Variants in HS1BP3 observed in about 807,000 individuals in gnomAD.
HS1BP3 encodes HCLS1-binding protein 3.
In HS1BP3, 32 loss-of-function variants were observed where a neutral mutation model predicts 33.5. The observed-to-expected ratio is 0.95, with a 90% confidence interval of 0.72 to 1.28. The LOEUF (loss-of-function observed/expected upper bound fraction) is 1.28. Among genes scored for constraint, HS1BP3 ranks in the 50% most tolerant of loss-of-function variants. HS1BP3 has a pLI of 0.00. For synonymous variants in HS1BP3, 187 were observed against 209.2 expected, an observed-to-expected ratio of 0.89 and a Z score of 0.92; for missense variants, 486 against 502.3, an observed-to-expected ratio of 0.97 and a Z score of 0.31.
chr2:20,643,324 G>A (rs191569323), intron 2 of HS1BP3, among the ~76,000 whole-genome samples: 3 of 152,302 alleles, frequency 2.0e-5, no homozygotes, highest in South Asian at 2.1e-4. Context: ...AGTGGGCTGG[G>A]CGGCTGAAGC....
chr2:20,567,669 C>T (rs938352522), intron 5 of HS1BP3, among the ~76,000 whole-genome samples: 1 of 152,168 alleles, frequency 6.6e-6, no homozygotes, highest in African/African-American at 2.4e-5. Context: ...TCTCCAGGCT[C>T]CTGCAGACAG....
intron 1 of HS1BP3, among the ~76,000 whole-genome samples, chr2:20,648,088 C>T (rs1050819580): frequency 1.3e-5 from 2 of 152,214 alleles, no homozygotes; most frequent in African/African-American, 4.8e-5. Flanking sequence ...GCTCCGAGGC[C>T]CTCCCACCTA....
intron 2 of HS1BP3, among the ~76,000 whole-genome samples, chr2:20,602,520 G>C (rs555394661): frequency 6.6e-6 from 1 of 151,920 alleles, no homozygotes; most frequent in East Asian, 1.9e-4. Flanking sequence ...TAAAAAAGAA[G>C]TTTTTAAAGT....
chr2:20,558,449 G>A (rs980002045), downstream of HS1BP3, among the ~76,000 whole-genome samples: 22 of 152,188 alleles, frequency 1.4e-4, no homozygotes, highest in African/African-American at 5.3e-4. Context: ...TTTGAGGTCA[G>A]TGGGGTATCA....
intron 3 of HS1BP3, among the ~76,000 whole-genome samples, chr2:20,595,818 C>T (rs1693930614): frequency 6.6e-6 from 1 of 152,166 alleles, no homozygotes; most frequent in Non-Finnish European, 1.5e-5. Context: ...TCCATCACGG[C>T]CCATCAGGGG....
chr2:20,584,388 C>T (rs1693630952), intron 5 of HS1BP3, among the ~76,000 whole-genome samples: 1 of 152,222 alleles, frequency 6.6e-6, no homozygotes, highest in Admixed American at 6.5e-5. Context: ...TCTGCTCCAG[C>T]CTCCTGCCCT....
rs3732154 is a variant in HS1BP3 at position 20,618,433 on chromosome 2, G to A, written c.*554C>T. On this transcript the variant is annotated 3_prime_UTR_variant, in exon 7 of 7. Coordinates refer to ENST00000304031, the MANE Select transcript of HS1BP3 (RefSeq NM_022460.4). ...CCCCTGGCAGCCACGAGGAGCAGAG[G>A]CCCTGGAGTAATTTGGCTTGGGGAC... is the stretch of plus-strand genomic sequence containing the variant. The A allele has an allele frequency of 0.78, 119,801 of 153,288 alleles. 47,101 individuals are homozygous for A. Among genetic ancestry groups the A allele is most frequent in the East Asian group, 0.92 (4,709 of 5,146 alleles). The allele number at this position is 153,288 out of a possible 1,614,324, so 9.5% of individuals were successfully genotyped here.
At chr2:20,574,849 C>G (rs1032398857) in intron 5 of HS1BP3, among the ~76,000 whole-genome samples, 1 of 152,162 alleles carries the variant, frequency 6.6e-6, no homozygotes, top group Admixed American at 6.5e-5. Context: ...GGAGAGAAGT[C>G]GGGACCCTGG....
downstream of HS1BP3, among the ~76,000 whole-genome samples, chr2:20,612,987 C>G (rs534392257): frequency 7.2e-5 from 11 of 152,276 alleles, no homozygotes; most frequent in African/African-American, 2.6e-4. Flanking sequence ...CCCATACAAG[C>G]AGACAGAGCC....
rs372981605 is a variant in HS1BP3 at position 20,624,005 on chromosome 2, G to C, written c.811C>G (p.Leu271Val). 7.3e-5 allele frequency: 117 copies of C among 1,612,390 alleles called. No homozygotes were observed. The highest frequency in any genetic ancestry group is 1.9e-4 in the Middle Eastern group (1 of 5,340). The change falls in exon 6 of 7, where the codon CTC becomes GTC. Residue 271 changes from leucine (L) to valine (V), a missense_variant. Coordinates refer to ENST00000304031, the MANE Select transcript of HS1BP3 (RefSeq NM_022460.4). ...DPLKLFDDPD[L>V]GGAIPLGDSL... The stretch of plus-strand genomic sequence containing the variant: ...TCACCCAGGGGGATGGCCCCGCCGA[G>C]GTCAGGATCATCAAATAGCTTCAGG...
At chr2:20,612,295 C>A (rs374212906) in intron 2 of HS1BP3, among the ~76,000 whole-genome samples, 1 of 152,192 alleles carries the variant, frequency 6.6e-6, no homozygotes, top group African/African-American at 2.4e-5. Context: ...TTTTTCCAAT[C>A]ATTAAATTAT....
intron 1 of HS1BP3, among the ~76,000 whole-genome samples, chr2:20,649,138 A>G (rs1319267868): frequency 4.6e-5 from 7 of 152,184 alleles, no homozygotes; most frequent in Non-Finnish European, 8.8e-5. Context: ...GTTGGGCCCT[A>G]TTGCACTTGA....
chr2:20,638,860 C>T (rs1695252403), intron 3 of HS1BP3, among the ~76,000 whole-genome samples: 1 of 152,190 alleles, frequency 6.6e-6, no homozygotes, highest in African/African-American at 2.4e-5. Context: ...CAGCCAAGTG[C>T]CTGCTGCAGC....
At chr2:20,572,214 A>C (rs1488070321) in intron 5 of HS1BP3, among the ~76,000 whole-genome samples, 1 of 152,168 alleles carries the variant, frequency 6.6e-6, no homozygotes, top group East Asian at 1.9e-4. Flanking sequence ...CCAACCCCTC[A>C]TGTAGTTCTG....
At chr2:20,573,455 C>G (rs1693323626) in intron 5 of HS1BP3, among the ~76,000 whole-genome samples, 1 of 152,184 alleles carries the variant, frequency 6.6e-6, no homozygotes, top group South Asian at 2.1e-4. Flanking sequence ...CCCCCCAAGC[C>G]CCTAACTGCT....
At chr2:20,594,729 A>G (rs576832865) in intron 3 of HS1BP3, among the ~76,000 whole-genome samples, 1 of 152,300 alleles carries the variant, frequency 6.6e-6, no homozygotes, top group Admixed American at 6.5e-5. Flanking sequence ...AATGGCAGAC[A>G]TGTATTTCTC....
chr2:20,630,243 G>A (rs767865768), intron 4 of HS1BP3, among the ~76,000 whole-genome samples: 9 of 152,156 alleles, frequency 5.9e-5, no homozygotes, highest in Non-Finnish European at 1.2e-4. Context: ...CTTAAATTCA[G>A]CTGTTTGGTG....
At chr2:20,622,506 C>A (rs1694638128) in intron 6 of HS1BP3, 1 of 369,312 alleles carries the variant, frequency 2.7e-6, no homozygotes, top group Non-Finnish European at 5.3e-6. Flanking sequence ...GTGGTGCTGG[C>A]CCGCGCACTA....
At chr2:20,620,511 C>T (rs578204299) in intron 6 of HS1BP3, among the ~76,000 whole-genome samples, 10 of 152,328 alleles carry the variant, frequency 6.6e-5, no homozygotes, top group South Asian at 2.1e-4. Context: ...CTACAAGCTT[C>T]GGCTTCCTCA....
Sources: allele counts gnomAD v4.1 joint callset (sites outside exome capture counted in the v4.1 genomes callset), GRCh38; gene constraint gnomAD v4.1.1; transcripts MANE v1.5; gene names NCBI Gene and HGNC (gene_info 2026-07-23, HGNC 2026-07-21).